Variants in ENAH observed in about 807,000 individuals in gnomAD.
ENAH encodes the protein protein enabled homolog.
ENAH carries 23 observed loss-of-function variants against 78.7 expected under a neutral mutation model. That is an observed-to-expected ratio of 0.29 (90% confidence interval 0.21 to 0.41). The LOEUF is 0.41. Ranked by LOEUF, ENAH falls within the 10% of genes least tolerant of loss-of-function variation. The pLI is 1.00. For synonymous variants in ENAH, 226 were observed against 241.0 expected (o/e 0.94, Z 0.58); for missense variants, 544 against 691.0 (o/e 0.79, Z 2.39).
intron 4 of ENAH, among the ~76,000 whole-genome samples, chr1:225,522,273 C>T (rs1470261472): frequency 1.3e-5 from 2 of 152,160 alleles, no homozygotes; most frequent in East Asian, 3.8e-4. Flanking sequence ...TTCATGTTTC[C>T]TAAGCTGGCT....
chr1:225,562,354 C>T (rs559387422), intron 2 of ENAH, among the ~76,000 whole-genome samples: 89 of 151,746 alleles, frequency 5.9e-4, no homozygotes, highest in Admixed American at 5.2e-3. Flanking sequence ...GGGCAGATCA[C>T]GAGGTCAGGA....
chr1:225,598,414 G>A (rs17502961), intron 1 of ENAH, among the ~76,000 whole-genome samples: 36 of 151,838 alleles, frequency 2.4e-4, no homozygotes, highest in African/African-American at 8.0e-4. Flanking sequence ...AAAGTATATC[G>A]ATAATTTAAA....
chr1:225,541,025 A>G (rs2096585957), intron 3 of ENAH, among the ~76,000 whole-genome samples: 1 of 152,246 alleles, frequency 6.6e-6, no homozygotes. Flanking sequence ...AGAACTGGCA[A>G]ATCTTCAGTG....
intron 1 of ENAH, among the ~76,000 whole-genome samples, chr1:225,604,581 C>G (rs896191550): frequency 2.7e-5 from 4 of 146,548 alleles, no homozygotes; most frequent in African/African-American, 1.0e-4. Flanking sequence ...GTCAGGAGTT[C>G]GAGACCAGCC....
At chr1:225,637,058 G>A (rs746038913) in intron 1 of ENAH, among the ~76,000 whole-genome samples, 2 of 152,104 alleles carry the variant, frequency 1.3e-5, no homozygotes, top group Admixed American at 6.5e-5. Flanking sequence ...AACAATAAAC[G>A]ACCATTCTGA....
chr1:225,533,592 G>C (rs1051683551), intron 3 of ENAH, among the ~76,000 whole-genome samples: 2 of 152,122 alleles, frequency 1.3e-5, no homozygotes, highest in African/African-American at 4.8e-5. Flanking sequence ...CACAGCCAAA[G>C]ATAGTGGCTG....
At chr1:225,525,817 T>C (rs1474072525) in intron 4 of ENAH, among the ~76,000 whole-genome samples, 1 of 152,070 alleles carries the variant, frequency 6.6e-6, no homozygotes, top group Non-Finnish European at 1.5e-5. Context: ...CACCACCCCT[T>C]ACCAAGCATT....
At chr1:225,572,923 G>T (rs546281568) in intron 1 of ENAH, among the ~76,000 whole-genome samples, 1 of 152,298 alleles carries the variant, frequency 6.6e-6, no homozygotes, top group Admixed American at 6.5e-5. Flanking sequence ...AAAGGCTAGA[G>T]ATAGCTGGTT....
intron 1 of ENAH, among the ~76,000 whole-genome samples, chr1:225,624,633 CAACA>C (rs1177098108): frequency 5.5e-5 from 7 of 127,464 alleles, no homozygotes; most frequent in African/African-American, 2.6e-4. Context: ...CTAAATCAAT[CAACA>C]AATAAATAAA....
chr1:225,632,952 C>T (rs1220909093), intron 1 of ENAH, among the ~76,000 whole-genome samples: 2 of 152,160 alleles, frequency 1.3e-5, no homozygotes, highest in African/African-American at 4.8e-5. Context: ...AGACATGTTC[C>T]CTGTATGGTG....
intron 1 of ENAH, among the ~76,000 whole-genome samples, chr1:225,613,938 G>C (rs1248734616): frequency 2.0e-5 from 3 of 152,164 alleles, no homozygotes; most frequent in Non-Finnish European, 4.4e-5. Context: ...GTTGTGACCT[G>C]TGCTTCTGGC....
intron 1 of ENAH, among the ~76,000 whole-genome samples, chr1:225,599,943 T>C (rs1033810683): frequency 1.3e-4 from 20 of 151,810 alleles, no homozygotes; most frequent in African/African-American, 4.8e-4. Flanking sequence ...GTCTGTCAGC[T>C]CACTTGAGAG....
chr1:225,552,127 C>G (rs2096643522), intron 3 of ENAH, among the ~76,000 whole-genome samples: 1 of 137,640 alleles, frequency 7.3e-6, no homozygotes, highest in African/African-American at 2.7e-5. Flanking sequence ...CAAGAACACT[C>G]CTGATTCTTT....
chr1:225,628,997 G>A (rs1351181040), intron 1 of ENAH, among the ~76,000 whole-genome samples: 1 of 151,826 alleles, frequency 6.6e-6, no homozygotes, highest in Non-Finnish European at 1.5e-5. Flanking sequence ...ACAGAAATAT[G>A]GGCCAAGCGC....
chr1:225,631,183 T>C (rs1262688442), intron 1 of ENAH, among the ~76,000 whole-genome samples: 1 of 152,186 alleles, frequency 6.6e-6, no homozygotes, highest in Non-Finnish European at 1.5e-5. Context: ...TTTTGTTGCA[T>C]AGCAACAAGA....
intron 1 of ENAH, among the ~76,000 whole-genome samples, chr1:225,600,222 C>T (rs1004464160): frequency 3.9e-5 from 6 of 152,116 alleles, no homozygotes; most frequent in African/African-American, 1.4e-4. Context: ...AAATGGTGCA[C>T]TCAACACACA....
rs2096242167 is a variant in ENAH at position 225,494,918 on chromosome 1, A to G, written c.*2857T>C. 1 of 152,654 alleles carries G rather than the reference A, an allele frequency of 6.6e-6. No homozygotes were observed. Among genetic ancestry groups the G allele is most frequent in the Admixed American group, 6.5e-5 (1 of 15,286 alleles). 9.5% of individuals were successfully genotyped at this position (152,654 alleles called of 1,614,324 possible). A position where few individuals can be genotyped will look rare whatever the true frequency, so the allele number is the denominator to read the frequency against. On this transcript the variant is annotated 3_prime_UTR_variant, in exon 14 of 14. Coordinates refer to ENST00000366843, the MANE Select transcript of ENAH (RefSeq NM_018212.6). ...ATAGTTACGGTAAAAATAGCAGAAA[A>G]CTGAAAATTCTAAAAAGGAAGTACA...
At chr1:225,630,109 A>G (rs1189127768) in intron 1 of ENAH, among the ~76,000 whole-genome samples, 1 of 152,224 alleles carries the variant, frequency 6.6e-6, no homozygotes, top group Non-Finnish European at 1.5e-5. Context: ...CATAAACTGC[A>G]TCCTTTTGAA....
chr1:225,541,388 T>C (rs2096587746), intron 3 of ENAH, among the ~76,000 whole-genome samples: 1 of 151,848 alleles, frequency 6.6e-6, no homozygotes, highest in Non-Finnish European at 1.5e-5. Flanking sequence ...TGAGCCAAGA[T>C]CGCGCCACTG....
Sources: allele counts gnomAD v4.1 joint callset (sites outside exome capture counted in the v4.1 genomes callset), GRCh38; gene constraint gnomAD v4.1.1; transcripts MANE v1.5; gene names NCBI Gene and HGNC (gene_info 2026-07-23, HGNC 2026-07-21).